ZNF385B: variants seen among roughly 807,000 people sequenced by gnomAD.
The protein encoded by ZNF385B is zinc finger protein 533.
In ZNF385B, 23 loss-of-function variants were observed where a neutral mutation model predicts 39.2. The observed-to-expected ratio is 0.59, with a 90% confidence interval of 0.42 to 0.83. ZNF385B has a LOEUF of 0.83. Among genes scored for constraint, ZNF385B ranks in the 40% least tolerant of loss-of-function variants. The pLI, the probability that ZNF385B is intolerant of heterozygous loss-of-function variation, is 0.00. For missense variants in ZNF385B, 552 were observed against 598.9 expected, an observed-to-expected ratio of 0.92 and a Z score of 0.82; for synonymous variants, 205 against 222.6, an observed-to-expected ratio of 0.92 and a Z score of 0.70.
Position 179,536,917 on chromosome 2 carries a change from G to A in ZNF385B, c.441+7910C>T, listed in dbSNP as rs116701274. The stretch of plus-strand genomic sequence containing the variant: ...AGGTGTTTCAAGAGTAAGTAGAGAA[G>A]AGGGAGATTTGAAAACAAAGCCCTT... On this transcript the variant is annotated intron_variant, in intron 4 of 9. Transcript: ENST00000410066. Among the ~76,000 whole-genome samples, 629 of 152,286 alleles carry A rather than the reference G, an allele frequency of 4.1e-3. 2 individuals are homozygous for A. The highest frequency in any genetic ancestry group is 0.014 in the African/African-American group (601 of 41,538).
At chr2:179,814,560 GC>G in intron 1 of ZNF385B, 1 of 785,290 alleles carries the variant, frequency 1.3e-6, no homozygotes, top group Non-Finnish European at 2.1e-6. Context: ...GATTAACTGG[GC>G]CATGGAGGAC....
chr2:179,516,086 G>A (rs931199658), intron 5 of ZNF385B, among the ~76,000 whole-genome samples: 1 of 144,842 alleles, frequency 6.9e-6, no homozygotes, highest in Non-Finnish European at 1.5e-5. Context: ...CCACATTGTA[G>A]CATGTATCAG....
At chr2:179,736,190 T>C (rs1701744725) in intron 3 of ZNF385B, among the ~76,000 whole-genome samples, 1 of 152,214 alleles carries the variant, frequency 6.6e-6, no homozygotes, top group African/African-American at 2.4e-5. Flanking sequence ...GGACTATTTT[T>C]ACTTACTACT....
chr2:179,814,326 G>A, intron 1 of ZNF385B: 1 of 281,134 alleles, frequency 3.6e-6, no homozygotes, highest in East Asian at 1.2e-4. Context: ...GGACTGCATG[G>A]CTGTCATTCG....
chr2:179,581,322 T>C (rs1349420446), intron 3 of ZNF385B, among the ~76,000 whole-genome samples: 1 of 152,208 alleles, frequency 6.6e-6, no homozygotes, highest in Non-Finnish European at 1.5e-5. Flanking sequence ...AAACTAGTTG[T>C]TACATATAAA....
intron 3 of ZNF385B, among the ~76,000 whole-genome samples, chr2:179,594,797 C>CTTTTTTTTTTTTTTTTTTTTTT (rs35322965): frequency 6.9e-6 from 1 of 145,422 alleles, no homozygotes; most frequent in Non-Finnish European, 1.5e-5. Flanking sequence ...TAGGTAAACT[C>CTTTTTTTTTTTTTTTTTTTTTT]TTTTTTTTTT....
At chr2:179,832,025 T>C (rs543487669) in intron 1 of ZNF385B, among the ~76,000 whole-genome samples, 4 of 152,342 alleles carry the variant, frequency 2.6e-5, no homozygotes, top group African/African-American at 9.6e-5. Flanking sequence ...ACTGCCCGCA[T>C]ATAACATCCA....
intron 3 of ZNF385B, among the ~76,000 whole-genome samples, chr2:179,592,072 C>T (rs958318437): frequency 6.6e-6 from 1 of 152,150 alleles, no homozygotes; most frequent in African/African-American, 2.4e-5. Context: ...ACCACTAAAC[C>T]TGCACATGCT....
chr2:179,599,106 A>G (rs1389478610), intron 3 of ZNF385B, among the ~76,000 whole-genome samples: 1 of 152,220 alleles, frequency 6.6e-6, no homozygotes, highest in Non-Finnish European at 1.5e-5. Context: ...TGCATATACA[A>G]TGGTCCCTTA....
At position 179,493,028 on chromosome 2, in the gene ZNF385B, G is replaced by A. The variant is rs1228963105; in HGVS notation, c.553-9594C>T. Among the ~76,000 whole-genome samples the A allele has an allele frequency of 4.6e-5, 7 of 152,016 alleles. No individual in the cohort carries two copies. In the East Asian group the frequency reaches 9.6e-4, roughly 21 times the overall value. The stretch of plus-strand genomic sequence containing the variant: ...ATAGTATCTATAACTTTGATTCACC[G>A]ATAAAATCTAAAATATTTTAATAGA... On this transcript the variant is annotated intron_variant, in intron 5 of 9. Transcript: ENST00000410066.
At chr2:179,536,440 ACC>A (rs2059571192) in intron 4 of ZNF385B, 1 of 152,168 alleles carries the variant, frequency 6.6e-6, no homozygotes, top group Non-Finnish European at 1.5e-5. Flanking sequence ...AGGCCCCAGA[ACC>A]ATGTGACATT....
At chr2:179,702,229 A>C (rs1400786705) in intron 3 of ZNF385B, among the ~76,000 whole-genome samples, 1 of 152,232 alleles carries the variant, frequency 6.6e-6, no homozygotes, top group African/African-American at 2.4e-5. Context: ...TTTCTAAATA[A>C]ATCATACCCA....
chr2:179,642,458 C>CT lies in ZNF385B; in HGVS notation c.299-97490dup, dbSNP rs111558481. On this transcript the variant is annotated intron_variant, in intron 3 of 9. Transcript: ENST00000410066. ...CTCCTGTCTCAACAACTCCATTCCT[C>CT]TTTTTTTTCTCATAGAAACTATTTT... Among the ~76,000 whole-genome samples the CT allele has an allele frequency of 6.0e-3, 919 of 152,122 alleles. 7 individuals are homozygous for CT. Among genetic ancestry groups the CT allele is most frequent in the Non-Finnish European group, 9.4e-3 (639 of 67,966 alleles).
At position 179,743,071 on chromosome 2, in the gene ZNF385B, G is replaced by T. The variant is rs16866973; in HGVS notation, c.298+26432C>A. ...TACGACAAATGTCACTATTCTAAGA[G>T]AATTCTAACATTCTAAAACTTTTTT... On this transcript the variant is annotated intron_variant, in intron 3 of 9. Coordinates refer to ENST00000410066, the MANE Select transcript of ZNF385B (RefSeq NM_152520.6). Among the ~76,000 whole-genome samples, 975 of 152,088 alleles carry T rather than the reference G, an allele frequency of 6.4e-3. 9 individuals are homozygous for T. The highest frequency in any genetic ancestry group is 0.023 in the African/African-American group (940 of 41,528).
intron 1 of ZNF385B, among the ~76,000 whole-genome samples, chr2:179,771,680 A>G (rs1704021340): frequency 2.0e-5 from 3 of 152,252 alleles, no homozygotes; most frequent in Admixed American, 2.0e-4. Context: ...TCACAAAGTC[A>G]CTTTTCTCAT....
intron 1 of ZNF385B, among the ~76,000 whole-genome samples, chr2:179,771,629 A>G (rs1161671053): frequency 6.6e-6 from 1 of 152,178 alleles, no homozygotes; most frequent in Non-Finnish European, 1.5e-5. Context: ...CTGCACATAA[A>G]TATTTTTGCT....
At chr2:179,538,833 G>A (rs1359059910) in intron 4 of ZNF385B, among the ~76,000 whole-genome samples, 1 of 152,188 alleles carries the variant, frequency 6.6e-6, no homozygotes, top group Non-Finnish European at 1.5e-5. Flanking sequence ...TCCTAGAGCA[G>A]TTGTAAAAAC....
intron 3 of ZNF385B, among the ~76,000 whole-genome samples, chr2:179,613,723 G>A (rs1054098516): frequency 2.0e-5 from 3 of 152,156 alleles, no homozygotes; most frequent in Admixed American, 2.0e-4. Flanking sequence ...CTGTGATTGG[G>A]GGAGGGGTAG....
At chr2:179,845,252 A>G (rs888031646) in intron 1 of ZNF385B, among the ~76,000 whole-genome samples, 1 of 152,214 alleles carries the variant, frequency 6.6e-6, no homozygotes, top group Non-Finnish European at 1.5e-5. Flanking sequence ...TCAATTCTTT[A>G]GTGGGTCATA....
Sources: allele counts gnomAD v4.1 joint callset (sites outside exome capture counted in the v4.1 genomes callset), GRCh38; gene constraint gnomAD v4.1.1; transcripts MANE v1.5; gene names NCBI Gene and HGNC (gene_info 2026-07-23, HGNC 2026-07-21).